LARP1: variants seen among roughly 807,000 people sequenced by gnomAD.
LARP1 encodes La ribonucleoprotein 1, translational regulator, also known as la-related protein 1.
In LARP1, 36 loss-of-function variants were observed where a neutral mutation model predicts 122.7. That is an observed-to-expected ratio of 0.29 (90% CI 0.22 to 0.39). The LOEUF (loss-of-function observed/expected upper bound fraction) is 0.39, where lower values mean the gene tolerates loss of function less well. Among genes scored for constraint, LARP1 ranks in the 10% least tolerant of loss-of-function variants. The probability of loss-of-function intolerance (pLI) is 1.00; values close to 1 mark genes in which losing one functional copy is unlikely to be tolerated. For missense variants in LARP1, 1,040 were observed against 1,403.6 expected (o/e 0.74, Z 4.14); for synonymous variants, 539 against 528.7 (o/e 1.02, Z -0.27).
intron 1 of LARP1, among the ~76,000 whole-genome samples, chr5:154,749,535 G>A (rs1277982120): frequency 6.6e-6 from 1 of 152,146 alleles, no homozygotes; most frequent in East Asian, 1.9e-4. Flanking sequence ...TTGTATGTTA[G>A]CTATTGCCAT....
At chr5:154,684,290 T>A (rs1024830991) in intron 1 of LARP1, among the ~76,000 whole-genome samples, 1 of 151,862 alleles carries the variant, frequency 6.6e-6, no homozygotes, top group Non-Finnish European at 1.5e-5. Flanking sequence ...ACAAAAAAAT[T>A]AAAAATTAGT....
chr5:154,747,108 C>T (rs773876378), intron 1 of LARP1, among the ~76,000 whole-genome samples: 34 of 151,986 alleles, frequency 2.2e-4, no homozygotes, highest in Non-Finnish European at 4.3e-4. Flanking sequence ...CCAGCCTGGG[C>T]GACAGGGCGA....
At chr5:154,744,576 C>T (rs1287658346) in intron 1 of LARP1, among the ~76,000 whole-genome samples, 1 of 140,052 alleles carries the variant, frequency 7.1e-6, no homozygotes, top group Non-Finnish European at 1.5e-5. Context: ...GTTGCAACAG[C>T]TGGAATATTA....
In LARP1 at chr5:154,793,929, C is replaced by T. The variant is rs199963692; in HGVS notation, c.998C>T (p.Ala333Val). 8.1e-6 allele frequency: 13 copies of T among 1,613,954 alleles called. No individual in the cohort carries two copies. The highest frequency in any genetic ancestry group is 5.5e-5 in the South Asian group (5 of 91,078). The change falls in exon 6 of 19, where the codon GCG (alanine) becomes GTG (valine). Residue 333 changes from alanine (A) to valine (V), a missense_variant. Ala to Val is a moderately conservative substitution (Grantham distance 64). This residue lies in a region of LARP1 where 178 missense variants were observed against 178.3 expected (regional missense o/e 1.00). Transcript: ENST00000518297. ...SSVKSDGAGG[A>V]RASFRGRGRG... ...GTGAAGAGTGATGGGGCTGGTGGGG[C>T]GCGGGCTTCCTTCCGTGGCCGTGGA... is the stretch of plus-strand genomic sequence containing the variant.
chr5:154,804,137 T>C, intron 13 of LARP1, 64 bp from the exon 14 acceptor site: 1 of 1,162,954 alleles, frequency 8.6e-7, no homozygotes, highest in South Asian at 1.2e-5. Context: ...GTCCTACAAG[T>C]GCTTGATGCT....
Position 154,816,635 on chromosome 5 carries a change from G to A in LARP1, c.*2539G>A, listed in dbSNP as rs1759688068. ...ACTTTCTGAAGACACTTGAATTTAG[G>A]ACCGATGTATCTGTGACAAGCATGC... On this transcript the variant is annotated 3_prime_UTR_variant, in exon 19 of 19. Coordinates refer to ENST00000518297, the MANE Select transcript of LARP1 (RefSeq NM_033551.3). 1 of 152,562 alleles carries A rather than the reference G, an allele frequency of 6.6e-6. No homozygotes were observed. The highest frequency in any genetic ancestry group is 1.5e-5 in the Non-Finnish European group (1 of 68,050). The allele number at this position is 152,562 out of a possible 1,614,324, so 9.5% of individuals were successfully genotyped here. A position where few individuals can be genotyped will look rare whatever the true frequency, so the allele number is the denominator to read the frequency against.
intron 1 of LARP1, among the ~76,000 whole-genome samples, chr5:154,775,616 T>G (rs1755811127): frequency 6.6e-6 from 1 of 152,204 alleles, no homozygotes; most frequent in African/African-American, 2.4e-5. Context: ...TTCTTGACTG[T>G]TTTTACTCAC....
At chr5:154,804,395 C>G in intron 14 of LARP1, 88 bp downstream of exon 14, 1 of 1,004,392 alleles carries the variant, frequency 1.0e-6, no homozygotes, top group Non-Finnish European at 1.6e-6. Context: ...GAAGATTGGT[C>G]TGAAAATTAA....
chr5:154,795,366 T>G (rs1757667207), intron 8 of LARP1, 47 bp downstream of exon 8: 1 of 1,594,868 alleles, frequency 6.3e-7, no homozygotes, highest in Non-Finnish European at 8.6e-7. Flanking sequence ...AGAAAGGTCC[T>G]TAGGGAGCTG....
intron 1 of LARP1, among the ~76,000 whole-genome samples, chr5:154,734,803 C>A (rs189852710): frequency 2.7e-4 from 41 of 152,234 alleles, no homozygotes; most frequent in Middle Eastern, 3.4e-3. Flanking sequence ...AAACTCTGCA[C>A]CCATTAAAAA....
At chr5:154,805,806 A>G (rs1167811090) in intron 14 of LARP1, 75 bp from the exon 15 acceptor site, 3 of 1,504,028 alleles carry the variant, frequency 2.0e-6, no homozygotes, top group Non-Finnish European at 2.7e-6. Flanking sequence ...GACAGAACGG[A>G]TCAGAGGGAC....
Position 154,756,023 on chromosome 5 carries a change from TCAGCGACGGGGAGGA to T in LARP1, c.267_281del (p.Ile89_Glu94delinsMet), listed in dbSNP as rs1324826588. On this transcript the variant is annotated inframe_deletion, in exon 1 of 19. Transcript: ENST00000518297. Reference sequence around the variant, plus strand: ...CTGCCCGGCGCCGAAGGCCCGGCCATCAGCGACGGGGAGGAGGGCGGCGGCGAGCCAGGCGCTGGC... The same window carrying T: ...CTGCCCGGCGCCGAAGGCCCGGCCATGGGCGGCGGCGAGCCAGGCGCTGGC... The T allele has an allele frequency of 1.9e-6, 2 of 1,037,370 alleles. No individual in the cohort carries two copies. 64.3% of individuals were successfully genotyped at this position (1,037,370 alleles called of 1,614,324 possible).
intron 3 of LARP1, chr5:154,791,937 A>G (rs568311773): frequency 6.8e-5 from 31 of 455,922 alleles, no homozygotes; most frequent in Middle Eastern, 3.3e-4. Flanking sequence ...TATAATCCCC[A>G]TTTTACAGAT....
intron 14 of LARP1, chr5:154,805,274 A>G (rs1373018984): frequency 1.2e-5 from 3 of 256,316 alleles, no homozygotes; most frequent in African/African-American, 2.3e-5. Flanking sequence ...TGGAAGTAGA[A>G]TCATCATAAA....
chr5:154,793,641 A>G lies in LARP1; in HGVS notation c.786A>G (p.Glu262=), dbSNP rs1241011596. 6.2e-7 allele frequency: 1 copy of G among 1,614,208 alleles called. No individual in the cohort carries two copies. The highest frequency in any genetic ancestry group is 8.5e-7 in the Non-Finnish European group (1 of 1,180,036). Residue 262 remains glutamate (E), a synonymous_variant, in exon 5 of 19, where the codon GAA becomes GAG. Transcript: ENST00000518297. The stretch of plus-strand genomic sequence containing the variant: ...CATTACAAATAGACATGAAGCCTGA[A>G]GTGCCCAGAGAGAAACTGGCTTCAC... ...WVPLQIDMKP[E]VPREKLASRP... is the part of the protein sequence containing the mutation.
chr5:154,785,338 A>G (rs947219529), intron 1 of LARP1, among the ~76,000 whole-genome samples: 1 of 152,130 alleles, frequency 6.6e-6, no homozygotes, highest in East Asian at 1.9e-4. Context: ...TTTCCCGTAC[A>G]TTCTGATTCT....
At chr5:154,810,521 T>C (rs1439544121) in intron 16 of LARP1, among the ~76,000 whole-genome samples, 1 of 152,044 alleles carries the variant, frequency 6.6e-6, no homozygotes, top group Non-Finnish European at 1.5e-5. Context: ...CGAGTCTCAC[T>C]GTGTCACCTA....
intron 1 of LARP1, among the ~76,000 whole-genome samples, chr5:154,707,764 AT>A: frequency 6.6e-6 from 1 of 152,226 alleles, no homozygotes; most frequent in South Asian, 2.1e-4. Flanking sequence ...GTGATGGGAG[AT>A]AGTGACACCC....
At chr5:154,785,792 A>T (rs191896665) in intron 1 of LARP1, among the ~76,000 whole-genome samples, 7 of 152,260 alleles carry the variant, frequency 4.6e-5, no homozygotes, top group Admixed American at 4.6e-4. Context: ...CGCCATCCCT[A>T]TTCCAACCAT....
Sources: allele counts gnomAD v4.1 joint callset (sites outside exome capture counted in the v4.1 genomes callset), GRCh38; gene constraint gnomAD v4.1.1; regional missense constraint gnomAD v4.1.1; transcripts MANE v1.5; gene names NCBI Gene and HGNC (gene_info 2026-07-23, HGNC 2026-07-21).